FSIP2: variants seen among roughly 807,000 people sequenced by gnomAD.
FSIP2 encodes fibrous sheath-interacting protein 2.
A neutral mutation model predicts 510.5 loss-of-function variants in FSIP2; 367 were observed. The ratio of observed to expected loss-of-function variants is 0.72; its 90% CI spans 0.66 to 0.78. The LOEUF is 0.78. FSIP2 is among the 30% of genes least tolerant of loss of function. The pLI is 0.00. For missense variants in FSIP2, 7,594 were observed against 7,901.7 expected (o/e 0.96, Z 1.48); for synonymous variants, 2,601 against 2,732.2 (o/e 0.95, Z 1.50).
chr2:185,773,494 C>G (rs1044062808), intron 13 of FSIP2, among the ~76,000 whole-genome samples: 4 of 152,130 alleles, frequency 2.6e-5, no homozygotes, highest in Non-Finnish European at 4.4e-5. Context: ...CTGATATTTT[C>G]CTGCAGGTTA....
In FSIP2 at chr2:185,792,702, T is replaced by G; in HGVS notation, c.5566T>G (p.Ser1856Ala). The part of the protein sequence containing the change: ...IVRTVFHKLY[S>A]AAMTERNVRE... ...TAGGACTGTATTTCACAAACTTTAT[T>G]CAGCTGCCATGACAGAAAGAAATGT... The change falls in exon 16 of 23, where the codon TCA becomes GCA. Residue 1856 changes from serine to alanine, a missense_variant. Coordinates refer to ENST00000424728, the MANE Select transcript of FSIP2 (RefSeq NM_173651.4). 1 of 1,533,908 alleles carries G rather than the reference T, an allele frequency of 6.5e-7. No homozygotes were observed. The highest frequency in any genetic ancestry group is 8.7e-7 in the Non-Finnish European group (1 of 1,145,444).
chr2:185,767,903 A>T (rs937667607), intron 13 of FSIP2, among the ~76,000 whole-genome samples: 1 of 152,140 alleles, frequency 6.6e-6, no homozygotes, highest in Non-Finnish European at 1.5e-5. Context: ...CAGAAGTTGA[A>T]TTGCTAGATC....
chr2:185,761,458 T>C (rs927474944), intron 10 of FSIP2, among the ~76,000 whole-genome samples: 5 of 151,240 alleles, frequency 3.3e-5, no homozygotes, highest in Non-Finnish European at 7.4e-5. Context: ...TTGGGTAATA[T>C]AAGATAAAAA....
chr2:185,781,014 C>T (rs1326249192), intron 13 of FSIP2, among the ~76,000 whole-genome samples: 1 of 151,416 alleles, frequency 6.6e-6, no homozygotes, highest in Non-Finnish European at 1.5e-5. Flanking sequence ...TCTCCACCCA[C>T]AGCCAAAAGC....
At chr2:185,781,843 C>CTTT (rs199815434) in intron 13 of FSIP2, among the ~76,000 whole-genome samples, 2 of 147,520 alleles carry the variant, frequency 1.4e-5, no homozygotes, top group African/African-American at 2.5e-5. Flanking sequence ...TATGGGCACT[C>CTTT]TTTTTTTTTT....
chr2:185,808,578 C>CT lies in FSIP2; in HGVS notation c.19272_19273insT (p.Val6425CysfsTer3). On this transcript the variant is annotated frameshift_variant, in exon 17 of 23. Transcript: ENST00000424728. LOFTEE classifies it high-confidence loss of function. ...AAAGGATTTATCAGGTTGTCGATTC[C>CT]GTTTATAGTAACATACTGCAACAAT... is the stretch of plus-strand genomic sequence containing the variant. 2 of 1,611,638 alleles carry CT rather than the reference C, an allele frequency of 1.2e-6. No individual in the cohort carries two copies. Among genetic ancestry groups the CT allele is most frequent in the Non-Finnish European group, 1.7e-6 (2 of 1,178,868 alleles).
intron 7 of FSIP2, among the ~76,000 whole-genome samples, chr2:185,752,225 T>C (rs1053468188): frequency 6.6e-6 from 1 of 151,228 alleles, no homozygotes; most frequent in African/African-American, 2.4e-5. Flanking sequence ...GACTTTTTTT[T>C]TTCTTTATTT....
upstream of FSIP2, among the ~76,000 whole-genome samples, chr2:185,737,926 A>G (rs906362666): frequency 3.3e-5 from 5 of 152,230 alleles, no homozygotes; most frequent in African/African-American, 9.6e-5. Flanking sequence ...TTTGAAAAAT[A>G]AAGAGTAATT....
Position 185,801,724 on chromosome 2 carries a change from C to A in FSIP2, c.12418C>A (p.His4140Asn). 6.5e-7 allele frequency: 1 copy of A among 1,530,706 alleles called. No individual in the cohort carries two copies. The highest frequency in any genetic ancestry group is 8.7e-7 in the Non-Finnish European group (1 of 1,144,246). The allele number at this position is 1,530,706 out of a possible 1,614,324, so 94.8% of individuals were successfully genotyped here. A position where few individuals can be genotyped will look rare whatever the true frequency, so the allele number is the denominator to read the frequency against. The change falls in exon 17 of 23, where the codon CAT becomes AAT. Residue 4140 changes from histidine to asparagine, a missense_variant. Coordinates refer to ENST00000424728, the MANE Select transcript of FSIP2 (RefSeq NM_173651.4). ...ATCAGACTATAGTACCATGTTATCA[C>A]ATTCATTTTTAGAAGATGTCATAAG... ...SSSDYSTMLS[H>N]SFLEDVIRRL...
intron 19 of FSIP2, among the ~76,000 whole-genome samples, chr2:185,822,803 T>C (rs1173953885): frequency 6.6e-6 from 1 of 151,874 alleles, no homozygotes; most frequent in East Asian, 1.9e-4. Flanking sequence ...TGATTTCAAA[T>C]CTTACTACAA....
At chr2:185,784,552 T>TTAAA (rs1365676847) in intron 14 of FSIP2, among the ~76,000 whole-genome samples, 3 of 152,100 alleles carry the variant, frequency 2.0e-5, no homozygotes, top group Admixed American at 6.6e-5. Context: ...CCGAAAGACT[T>TTAAA]TAAATAGGAA....
In FSIP2 at chr2:185,800,343, GTTAAACAGCCTGGTTGGTAACC is replaced by G; in HGVS notation, c.11039_11060del (p.Leu3680Ter). On this transcript the variant is annotated frameshift_variant, in exon 17 of 23. Coordinates refer to ENST00000424728, the MANE Select transcript of FSIP2 (RefSeq NM_173651.4). LOFTEE classifies it high-confidence loss of function. ...ATAAGTTAAGTTATCTTGCATGTAA[GTTAAACAGCCTGGTTGGTAACC>G]TAAAAACAAGTGAATCCAAAGAAGT... 1.3e-6 allele frequency: 2 copies of G among 1,532,276 alleles called. No individual in the cohort carries two copies. The highest frequency in any genetic ancestry group is 1.7e-6 in the Non-Finnish European group (2 of 1,145,074). 94.9% of individuals were successfully genotyped at this position (1,532,276 alleles called of 1,614,324 possible).
chr2:185,759,159 A>G (rs1692301046), intron 9 of FSIP2, among the ~76,000 whole-genome samples: 2 of 150,920 alleles, frequency 1.3e-5, no homozygotes, highest in Non-Finnish European at 3.0e-5. Flanking sequence ...AGCTCTAGAT[A>G]TTTAAATATA....
At chr2:185,759,985 G>T (rs1375029011) in intron 9 of FSIP2, among the ~76,000 whole-genome samples, 3 of 142,452 alleles carry the variant, frequency 2.1e-5, no homozygotes, top group African/African-American at 7.6e-5. Flanking sequence ...ATTTATTTGT[G>T]ATGAGACATG....
At chr2:185,757,505 T>A (rs936798919) in intron 9 of FSIP2, among the ~76,000 whole-genome samples, 8 of 151,378 alleles carry the variant, frequency 5.3e-5, no homozygotes, top group African/African-American at 1.7e-4. Context: ...AGGCTTTTTG[T>A]GAATTTTAAA....
intron 2 of FSIP2, chr2:185,740,339 T>C (rs905740985): frequency 6.6e-6 from 1 of 152,174 alleles, no homozygotes; most frequent in Non-Finnish European, 1.5e-5. Flanking sequence ...GTACTTCCCT[T>C]AAGCCTTTTC....
Position 185,805,843 on chromosome 2 carries a change from G to C in FSIP2, c.16537G>C (p.Gly5513Arg). 1.2e-6 allele frequency: 2 copies of C among 1,609,232 alleles called. No individual in the cohort carries two copies. The highest frequency in any genetic ancestry group is 1.7e-6 in the Non-Finnish European group (2 of 1,177,936). ...MINLTSGLAT[G>R]VTNKKEVDEN... is the part of the protein sequence containing the mutation. The stretch of plus-strand genomic sequence containing the variant: ...TAACCTAACATCAGGGTTGGCTACA[G>C]GTGTGACAAATAAAAAGGAAGTGGA... The change falls in exon 17 of 23, where the codon GGT becomes CGT. Residue 5513 changes from glycine (G) to arginine (R), a missense_variant. Gly to Arg is a moderately radical substitution (Grantham distance 125). Transcript: ENST00000424728.
intron 17 of FSIP2, among the ~76,000 whole-genome samples, chr2:185,811,259 G>C (rs1228493679): frequency 6.6e-6 from 1 of 151,998 alleles, no homozygotes; most frequent in Non-Finnish European, 1.5e-5. Context: ...TTGAGGTCAG[G>C]AGTTTGAGAC....
chr2:185,805,671 C>T lies in FSIP2; in HGVS notation c.16365C>T (p.Cys5455=), dbSNP rs573695530. 8 of 1,610,098 alleles carry T rather than the reference C, an allele frequency of 5.0e-6. No individual in the cohort carries two copies. The East Asian group carries it at 1.3e-4, about 27-fold the overall frequency. The part of the protein sequence containing the change: ...SYKDTSSTPD[C]KNMMSTLEIN... Reference sequence around the variant, plus strand: ...AAGATACTTCTTCCACCCCAGATTGCAAAAACATGATGAGCACTTTGGAAA... The same window carrying T: ...AAGATACTTCTTCCACCCCAGATTGTAAAAACATGATGAGCACTTTGGAAA... Residue 5455 remains cysteine, a synonymous_variant, in exon 17 of 23, where the codon TGC becomes TGT. Coordinates refer to ENST00000424728, the MANE Select transcript of FSIP2 (RefSeq NM_173651.4).
Sources: gnomAD v4.1 joint callset for allele counts (sites outside exome capture counted in the v4.1 genomes callset) on GRCh38, gnomAD v4.1.1 for gene constraint, MANE v1.5 for transcripts, NCBI Gene and HGNC (gene_info 2026-07-23, HGNC 2026-07-21) for gene names.